Variants in MKKS observed in about 807,000 individuals in gnomAD.
The protein encoded by MKKS is molecular chaperone MKKS.
Under a neutral mutation model 33.2 loss-of-function variants are expected in MKKS, and 29 were observed. The observed-to-expected ratio is 0.87, with a 90% CI of 0.65 to 1.19. MKKS has a LOEUF of 1.19. Among genes scored for constraint, MKKS ranks in the 50% most tolerant of loss-of-function variants. The pLI, the probability that MKKS is intolerant of heterozygous loss-of-function variation, is 0.00. For missense variants in MKKS, 661 were observed against 662.3 expected, an observed-to-expected ratio of 1.00 and a Z score of 0.02; for synonymous variants, 260 against 244.0, an observed-to-expected ratio of 1.07 and a Z score of -0.61.
intron 1 of MKKS, among the ~76,000 whole-genome samples, chr20:10,432,783 C>G (rs2065062872): frequency 1.8e-5 from 1 of 55,142 alleles, no homozygotes. Flanking sequence ...GAGCGAGACT[C>G]TTTGTCAAAA....
intron 1 of MKKS, among the ~76,000 whole-genome samples, chr20:10,433,743 C>CA (rs1350360455): frequency 1.3e-5 from 2 of 152,106 alleles, no homozygotes; most frequent in Non-Finnish European, 2.9e-5. Flanking sequence ...TCCAGACAGT[C>CA]AGGGGCACAC....
At chr20:10,422,815 C>T (rs1363370080) in intron 1 of MKKS, among the ~76,000 whole-genome samples, 14 of 151,728 alleles carry the variant, frequency 9.2e-5, no homozygotes, top group African/African-American at 3.1e-4. Context: ...AGGTTCACGC[C>T]ATTCTCCTGC....
intron 1 of MKKS, among the ~76,000 whole-genome samples, chr20:10,422,003 G>A (rs371304625): frequency 5.9e-5 from 9 of 151,712 alleles, no homozygotes; most frequent in African/African-American, 2.2e-4. Flanking sequence ...CTTTATTTTT[G>A]TCTAAATGCC....
rs1262954409 is a variant in MKKS at position 10,403,092 on chromosome 20, TATTGGTACG to T, written c.*2146_*2154del. ...CTGCTTCCAAATTCACTCTTGTGGT[TATTGGTACG>T]ATTCAGTTCCTTTTGAGCTGTTGGC... On this transcript the variant is annotated 3_prime_UTR_variant, in exon 6 of 6. Coordinates refer to ENST00000347364, the MANE Select transcript of MKKS (RefSeq NM_170784.3). The T allele has an allele frequency of 1.3e-5, 2 of 152,220 alleles. No individual in the cohort carries two copies. The highest frequency in any genetic ancestry group is 2.9e-5 in the Non-Finnish European group (2 of 68,062). 9.4% of individuals were successfully genotyped at this position (152,220 alleles called of 1,614,324 possible). A position where few individuals can be genotyped will look rare whatever the true frequency, so the allele number is the denominator to read the frequency against.
intron 2 of MKKS, among the ~76,000 whole-genome samples, chr20:10,416,351 C>G (rs944847545): frequency 1.3e-5 from 2 of 151,980 alleles, no homozygotes; most frequent in Admixed American, 6.6e-5. Context: ...ACAAGGTAAG[C>G]TGGGGTCCTT....
intron 2 of MKKS, among the ~76,000 whole-genome samples, chr20:10,417,764 A>G (rs377280026): frequency 2.0e-5 from 3 of 152,342 alleles, no homozygotes; most frequent in African/African-American, 7.2e-5. Context: ...AGTACCATCC[A>G]TGAAGTATTC....
chr20:10,419,792 C>T (rs2064966987), intron 2 of MKKS, among the ~76,000 whole-genome samples: 1 of 152,050 alleles, frequency 6.6e-6, no homozygotes, highest in Admixed American at 6.6e-5. Flanking sequence ...GTAGAATATC[C>T]CAGGATTTCA....
rs2064826056 is a variant in MKKS at position 10,404,241 on chromosome 20, G to C, written c.*1006C>G. ...ACTTTCTTTTTCATACTATTGACTA[G>C]AGAAATAACTTCCCCTTCCCTTTAT... is the stretch of plus-strand genomic sequence containing the variant. On this transcript the variant is annotated 3_prime_UTR_variant, in exon 6 of 6. Transcript: ENST00000347364. 6.7e-6 allele frequency: 1 copy of C among 149,046 alleles called. No individual in the cohort carries two copies. Among genetic ancestry groups the C allele is most frequent in the Non-Finnish European group, 1.5e-5 (1 of 67,480 alleles). The allele number at this position is 149,046 out of a possible 1,614,324, so 9.2% of individuals were successfully genotyped here.
chr20:10,421,395 C>T (rs551683713), intron 1 of MKKS, among the ~76,000 whole-genome samples: 1 of 120,948 alleles, frequency 8.3e-6, no homozygotes, highest in South Asian at 2.6e-4. Flanking sequence ...CTGCACTAGG[C>T]AACAGAATGA....
intron 1 of MKKS, among the ~76,000 whole-genome samples, chr20:10,432,789 CAAAA>C (rs71184200): frequency 8.0e-5 from 6 of 74,560 alleles, no homozygotes; most frequent in African/African-American, 1.9e-4. Flanking sequence ...GACTCTTTGT[CAAAA>C]AAAAAAAAAA....
intron 5 of MKKS, 33 bp from the exon 6 acceptor site, chr20:10,405,720 C>G: frequency 6.6e-7 from 1 of 1,512,896 alleles, no homozygotes; most frequent in South Asian, 1.1e-5. Context: ...AAAACACATA[C>G]AAAGCAATTA....
chr20:10,423,660 T>C (rs1393572251), intron 1 of MKKS, among the ~76,000 whole-genome samples: 1 of 152,192 alleles, frequency 6.6e-6, no homozygotes, highest in Non-Finnish European at 1.5e-5. Context: ...CTATAATACT[T>C]AGTGAATCTT....
chr20:10,428,811 T>A (rs1411531903), intron 1 of MKKS, among the ~76,000 whole-genome samples: 1 of 151,522 alleles, frequency 6.6e-6, no homozygotes, highest in Non-Finnish European at 1.5e-5. Context: ...GCCATTGCAC[T>A]CCAGCCTAGG....
At position 10,412,781 on chromosome 20, in the gene MKKS, CAA is replaced by C; in HGVS notation, c.732_733del (p.Phe244LeufsTer10). The C allele has an allele frequency of 3.7e-6, 6 of 1,614,150 alleles. No individual in the cohort carries two copies. Among genetic ancestry groups the C allele is most frequent in the South Asian group, 2.2e-5 (2 of 91,086 alleles). On this transcript the variant is annotated frameshift_variant, in exon 3 of 6. Coordinates refer to ENST00000347364, the MANE Select transcript of MKKS (RefSeq NM_170784.3). LOFTEE classifies it high-confidence loss of function. ...AGAAGTGTCTCCGGATAAAGTTGTA[CAA>C]AAGAGTGCCACCTTGAGGGCAGTTG...
chr20:10,430,482 AC>A lies in MKKS; in HGVS notation c.-649+3625del, dbSNP rs540273850. Among the ~76,000 whole-genome samples the A allele has an allele frequency of 4.7e-4, 72 of 152,352 alleles. 2 individuals are homozygous for A. The South Asian group carries it at 0.011, about 24-fold the overall frequency. On this transcript the variant is annotated intron_variant, in intron 1 of 5. Coordinates refer to ENST00000347364, the MANE Select transcript of MKKS (RefSeq NM_170784.3). ...TTTGATTATGTCAAAAAGAAAAAAAACATTACTGGAATTAACCTGTAGTATA... is the reference window on the plus strand; with the variant it reads ...TTTGATTATGTCAAAAAGAAAAAAAAATTACTGGAATTAACCTGTAGTATA...
At chr20:10,411,075 C>T (rs1424480944) in intron 3 of MKKS, among the ~76,000 whole-genome samples, 1 of 151,798 alleles carries the variant, frequency 6.6e-6, no homozygotes, top group South Asian at 2.1e-4. Context: ...CAACCTCCAC[C>T]TCCTGGGTTC....
chr20:10,416,753 T>C (rs1484499153), intron 2 of MKKS, among the ~76,000 whole-genome samples: 1 of 152,176 alleles, frequency 6.6e-6, no homozygotes, highest in African/African-American at 2.4e-5. Flanking sequence ...CAACCCCTAA[T>C]GAAATAGTGC....
In MKKS at chr20:10,403,585, G is replaced by A. The variant is rs1216196709; in HGVS notation, c.*1662C>T. On this transcript the variant is annotated 3_prime_UTR_variant, in exon 6 of 6. Transcript: ENST00000347364. ...TTCCATCTGTAGACCCATGAAACTA[G>A]AGAAAAGTTATCTGCCTTCTACTCA... 1 of 152,156 alleles carries A rather than the reference G, an allele frequency of 6.6e-6. No homozygotes were observed. Among genetic ancestry groups the A allele is most frequent in the African/African-American group, 2.4e-5 (1 of 41,432 alleles). 9.4% of individuals were successfully genotyped at this position (152,156 alleles called of 1,614,324 possible). A position where few individuals can be genotyped will look rare whatever the true frequency, so the allele number is the denominator to read the frequency against.
At chr20:10,408,593 G>A in intron 4 of MKKS, 35 bp downstream of exon 4, 1 of 1,604,158 alleles carries the variant, frequency 6.2e-7, no homozygotes, top group South Asian at 1.1e-5. Context: ...TCCTCCCTCA[G>A]CCTCTGCATA....
Sources: allele counts gnomAD v4.1 joint callset (sites outside exome capture counted in the v4.1 genomes callset), GRCh38; gene constraint gnomAD v4.1.1; transcripts MANE v1.5; gene names NCBI Gene and HGNC (gene_info 2026-07-23, HGNC 2026-07-21).